The following TNRC18 variants were observed in gnomAD, a reference collection of about 807,000 sequenced individuals.
TNRC18 encodes the protein trinucleotide repeat-containing gene 18 protein.
Under a neutral mutation model 226.7 loss-of-function variants are expected in TNRC18, and 69 were observed. The ratio of observed to expected loss-of-function variants is 0.30; its 90% confidence interval spans 0.25 to 0.37. The LOEUF (loss-of-function observed/expected upper bound fraction) is 0.37, where lower values mean the gene tolerates loss of function less well. Among genes scored for constraint, TNRC18 ranks in the 10% least tolerant of loss-of-function variants. The pLI is 1.00. For synonymous variants in TNRC18, 2,449 were observed against 1,927.6 expected (o/e 1.27, Z -7.09); for missense variants, 4,754 against 4,256.6 (o/e 1.12, Z -3.25).
At chr7:5,342,432 A>T (rs1314055442) in intron 18 of TNRC18, among the ~76,000 whole-genome samples, 1 of 151,874 alleles carries the variant, frequency 6.6e-6, no homozygotes, top group Non-Finnish European at 1.5e-5. Flanking sequence ...CAGTCTCAAA[A>T]AAAAAAAAAA....
At chr7:5,351,663 C>A in intron 17 of TNRC18, 156 bp downstream of exon 17, 1 of 764,196 alleles carries the variant, frequency 1.3e-6, no homozygotes, top group Non-Finnish European at 2.1e-6. Context: ...GCAGGCTACG[C>A]TGCCAAGAAC....
chr7:5,351,885 G>A lies in TNRC18; in HGVS notation c.5404C>T (p.Leu1802=), dbSNP rs752964888. The change falls in exon 17 of 30, where the codon CTG becomes TTG. Residue 1802 remains leucine, a synonymous_variant. Coordinates refer to ENST00000430969, the MANE Select transcript of TNRC18 (RefSeq NM_001080495.3). The part of the protein sequence containing the change: ...PATSRKQPFC[L]LLREAEARSS... The stretch of plus-strand genomic sequence containing the variant: ...CGCGCCTCGGCCTCTCGAAGCAGCA[G>A]ACAAAACGGCTGCTTCCTGCTGGTG... 2 of 1,613,546 alleles carry A rather than the reference G, an allele frequency of 1.2e-6. No individual in the cohort carries two copies. Among genetic ancestry groups the A allele is most frequent in the South Asian group, 1.1e-5 (1 of 91,012 alleles).
intron 15 of TNRC18, among the ~76,000 whole-genome samples, chr7:5,358,542 A>G (rs1436469618): frequency 6.6e-6 from 1 of 152,158 alleles, no homozygotes; most frequent in East Asian, 1.9e-4. Flanking sequence ...AGCTGGGTGC[A>G]GTGGCTCACA....
At chr7:5,401,630 A>T (rs1044779271) in intron 2 of TNRC18, among the ~76,000 whole-genome samples, 6 of 152,266 alleles carry the variant, frequency 3.9e-5, no homozygotes, top group African/African-American at 1.4e-4. Context: ...GAAAGCACCC[A>T]GACAGTAAAC....
At chr7:5,322,351 T>C (rs1788468003) in intron 21 of TNRC18, among the ~76,000 whole-genome samples, 1 of 152,050 alleles carries the variant, frequency 6.6e-6, no homozygotes, top group Non-Finnish European at 1.5e-5. Flanking sequence ...CAGCCTACAG[T>C]GCAGTGGCAA....
At chr7:5,341,105 C>A (rs1366543127) in intron 18 of TNRC18, among the ~76,000 whole-genome samples, 3 of 152,016 alleles carry the variant, frequency 2.0e-5, no homozygotes, top group Middle Eastern at 3.4e-3. Context: ...ATCTCCTCTG[C>A]CAGGGGTCTA....
intron 19 of TNRC18, chr7:5,330,105 T>A: frequency 2.5e-6 from 1 of 403,824 alleles, no homozygotes; most frequent in East Asian, 7.9e-5. Flanking sequence ...CTAATTTTTT[T>A]ATTTTTAGTA....
In TNRC18 at chr7:5,312,771, G is replaced by A; in HGVS notation, c.8120C>T (p.Ala2707Val). Residue 2707 changes from alanine to valine, a missense_variant, in exon 27 of 30, where the codon GCC becomes GTC. Coordinates refer to ENST00000430969, the MANE Select transcript of TNRC18 (RefSeq NM_001080495.3). The surrounding 1 kb of genome is among the most constrained non-coding windows in gnomAD (Gnocchi z 6.3). ...GTGGGCCGAGGGCCGCGCCTTGCCG[G>A]CCTGCTTGGTGGCCTTGGTGGGGAG... ...AALPTKATKQ[A>V]GKARPSAHSP... 2 of 1,533,560 alleles carry A rather than the reference G, an allele frequency of 1.3e-6. No individual in the cohort carries two copies. Among genetic ancestry groups the A allele is most frequent in the Non-Finnish European group, 1.7e-6 (2 of 1,145,148 alleles). The allele number at this position is 1,533,560 out of a possible 1,614,324, so 95.0% of individuals were successfully genotyped here. A position where few individuals can be genotyped will look rare whatever the true frequency, so the allele number is the denominator to read the frequency against.
At chr7:5,331,644 G>A (rs542362395) in intron 19 of TNRC18, among the ~76,000 whole-genome samples, 70 of 152,308 alleles carry the variant, frequency 4.6e-4, no homozygotes, top group Non-Finnish European at 6.9e-4. Context: ...AGCACTAGCC[G>A]GGTGCAGTGG....
At position 5,313,559 on chromosome 7, in the gene TNRC18, C is replaced by A. The variant is rs1323482959; in HGVS notation, c.7332G>T (p.Glu2444Asp). The A allele has an allele frequency of 1.2e-6, 2 of 1,607,092 alleles. No individual in the cohort carries two copies. The highest frequency in any genetic ancestry group is 2.7e-5 in the African/African-American group (2 of 74,788). The change falls in exon 27 of 30, where the codon GAG becomes GAT. Residue 2444 changes from glutamate to aspartate, a missense_variant. Glu to Asp is a conservative substitution (Grantham distance 45). Coordinates refer to ENST00000430969, the MANE Select transcript of TNRC18 (RefSeq NM_001080495.3). Reference protein sequence around the residue: ...RPKPKKARAAEESGAKGPRRP... With the variant: ...RPKPKKARAADESGAKGPRRP... ...TCCGAGGGCCCTTGGCACCCGACTC[C>A]TCGGCTGCCCGCGCCTTCTTGGGCT...
chr7:5,360,535 A>AC (rs1324173730), intron 14 of TNRC18, among the ~76,000 whole-genome samples: 22 of 152,174 alleles, frequency 1.4e-4, no homozygotes, highest in African/African-American at 4.8e-4. Context: ...CAACCTGTGT[A>AC]CTTATTTTTT....
Position 5,306,961 on chromosome 7 carries a change from G to C in TNRC18, c.*1145C>G, listed in dbSNP as rs916452760. The stretch of plus-strand genomic sequence containing the variant: ...CTCAAGATTGTCTGGTTGAGGCCTT[G>C]GTTTCCCTTGAAGGCTTGGGGCCTG... On this transcript the variant is annotated 3_prime_UTR_variant, in exon 30 of 30. Transcript: ENST00000430969. 6 of 151,546 alleles carry C rather than the reference G, an allele frequency of 4.0e-5. No individual in the cohort carries two copies. Among genetic ancestry groups the C allele is most frequent in the Non-Finnish European group, 5.9e-5 (4 of 67,916 alleles). The allele number at this position is 151,546 out of a possible 1,614,324, so 9.4% of individuals were successfully genotyped here. A position where few individuals can be genotyped will look rare whatever the true frequency, so the allele number is the denominator to read the frequency against.
At chr7:5,421,812 G>A (rs1364237168) in intron 1 of TNRC18, among the ~76,000 whole-genome samples, 1 of 152,230 alleles carries the variant, frequency 6.6e-6, no homozygotes, top group Non-Finnish European at 1.5e-5. Context: ...GCTGCGCCCA[G>A]ACGGCGTAAA....
chr7:5,354,685 C>G (rs930839391), intron 16 of TNRC18, among the ~76,000 whole-genome samples: 7 of 152,132 alleles, frequency 4.6e-5, no homozygotes, highest in African/African-American at 7.2e-5. Context: ...AGCTGCTTAA[C>G]TCACACCCAC....
chr7:5,423,051 A>G (rs1274879828), intron 1 of TNRC18: 2 of 152,304 alleles, frequency 1.3e-5, no homozygotes, highest in East Asian at 3.9e-4. Context: ...CGTTCTCCTT[A>G]CTTTTCTCCC....
intron 5 of TNRC18, among the ~76,000 whole-genome samples, chr7:5,385,570 GCTC>G (rs1178135797): frequency 6.6e-6 from 1 of 151,346 alleles, no homozygotes; most frequent in Non-Finnish European, 1.5e-5. Flanking sequence ...TGTGACCCCA[GCTC>G]CTCAGGAGGC....
At position 5,371,346 on chromosome 7, in the gene TNRC18, G is replaced by A. The variant is rs374600135; in HGVS notation, c.3248C>T (p.Pro1083Leu). The change falls in exon 11 of 30, where the codon CCG becomes CTG. Residue 1083 changes from proline (P) to leucine (L), a missense_variant. Physicochemically the swap from Pro to Leu is moderately conservative, Grantham distance 98 (BLOSUM62 -3). Transcript: ENST00000430969. The stretch of plus-strand genomic sequence containing the variant: ...GTAGTGCGGTGGCAGGGCTTGGAAC[G>A]GGTACCTGGGCGGGATATCTGCCAA... Reference protein sequence around the residue: ...ALFSDIPPRYPFQALPPHYGR... With the variant: ...ALFSDIPPRYLFQALPPHYGR... 61 of 1,513,738 alleles carry A rather than the reference G, an allele frequency of 4.0e-5. No individual in the cohort carries two copies. Among genetic ancestry groups the A allele is most frequent in the Non-Finnish European group, 4.9e-5 (56 of 1,136,886 alleles). The allele number at this position is 1,513,738 out of a possible 1,614,324, so 93.8% of individuals were successfully genotyped here.
chr7:5,394,320 G>C lies in TNRC18; in HGVS notation c.343+120C>G. ...CGTTTGAGAAACAACAGGGAAGCCA[G>C]GTGACCTGGGACCCACCAGCCCCAG... On this transcript the variant is annotated intron_variant, in intron 3 of 29. Coordinates refer to ENST00000430969, the MANE Select transcript of TNRC18 (RefSeq NM_001080495.3). The surrounding 1 kb of genome is among the most constrained non-coding windows in gnomAD (Gnocchi z 4.5). 1 of 947,842 alleles carries C rather than the reference G, an allele frequency of 1.1e-6. No individual in the cohort carries two copies. Among genetic ancestry groups the C allele is most frequent in the Non-Finnish European group, 1.5e-6 (1 of 667,564 alleles). 58.7% of individuals were successfully genotyped at this position (947,842 alleles called of 1,614,324 possible). A position where few individuals can be genotyped will look rare whatever the true frequency, so the allele number is the denominator to read the frequency against.
At chr7:5,360,644 T>C (rs763456531) in intron 14 of TNRC18, among the ~76,000 whole-genome samples, 8 of 152,102 alleles carry the variant, frequency 5.3e-5, no homozygotes. Flanking sequence ...ATTTAACCAG[T>C]GCAGGCCACA....
Sources: allele counts gnomAD v4.1 joint callset (sites outside exome capture counted in the v4.1 genomes callset), GRCh38; gene constraint gnomAD v4.1.1; non-coding constraint Gnocchi (gnomAD v3.1); transcripts MANE v1.5; gene names NCBI Gene and HGNC (gene_info 2026-07-23, HGNC 2026-07-21).